The following DST variants were observed in gnomAD, a reference collection of about 807,000 sequenced individuals.
DST encodes bullous pemphigoid antigen.
A neutral mutation model predicts 875.2 loss-of-function variants in DST; 253 were observed. That is an observed-to-expected ratio of 0.29 (90% CI 0.26 to 0.32). DST has a LOEUF of 0.32. Among genes scored for constraint, DST ranks in the 10% least tolerant of loss-of-function variants. The pLI, the probability that DST is intolerant of heterozygous loss-of-function variation, is 1.00. For synonymous variants in DST, 3,124 were observed against 3,197.1 expected (o/e 0.98, Z 0.77); for missense variants, 8,287 against 9,111.6 (o/e 0.91, Z 3.68).
Position 56,841,323 on chromosome 6 carries a change from C to T in DST, c.625+10074G>A, listed in dbSNP as rs549866132. Among the ~76,000 whole-genome samples, 12 of 152,280 alleles carry T rather than the reference C, an allele frequency of 7.9e-5. No homozygotes were observed. In the East Asian group the frequency reaches 1.5e-3, roughly 20 times the overall value. On this transcript the variant is annotated intron_variant, in intron 4 of 103. Transcript: ENST00000680361. The stretch of plus-strand genomic sequence containing the variant: ...AATGAAACATAGCACAGCTATAAAG[C>T]CCAAGTACAAATTGATGAACTAAGC...
chr6:56,634,649 G>T, intron 25 of DST, 33 bp from the exon 26 acceptor site: 1 of 1,613,308 alleles, frequency 6.2e-7, no homozygotes, highest in Non-Finnish European at 8.5e-7. Flanking sequence ...ATAACTCAAT[G>T]AGGTCACTGT....
chr6:56,565,190 G>A (rs535261890), intron 55 of DST, among the ~76,000 whole-genome samples: 14 of 145,232 alleles, frequency 9.6e-5, no homozygotes, highest in South Asian at 4.3e-4. Flanking sequence ...GCACAATCTC[G>A]GCTCACCGCA....
At chr6:56,923,363 C>T (rs1805233576) in intron 2 of DST, among the ~76,000 whole-genome samples, 1 of 148,642 alleles carries the variant, frequency 6.7e-6, no homozygotes, top group Non-Finnish European at 1.5e-5. Flanking sequence ...TTTTCCTTAG[C>T]TTAGACAGAG....
rs1036086809 is a variant in DST at position 56,766,376 on chromosome 6, C to T, written c.626-31087G>A. ...TACTGCATGCCAAGTACTAACCAGG[C>T]TAGATGCCGAGATACAAAGATGGGT... On this transcript the variant is annotated intron_variant, in intron 4 of 103. Transcript: ENST00000680361. Among the ~76,000 whole-genome samples the T allele has an allele frequency of 2.0e-5, 3 of 152,164 alleles. No homozygotes were observed. The East Asian group carries it at 5.8e-4, about 29-fold the overall frequency.
chr6:56,486,192 T>C (rs1176446648), intron 87 of DST, among the ~76,000 whole-genome samples: 3 of 151,230 alleles, frequency 2.0e-5, no homozygotes, highest in Non-Finnish European at 4.4e-5. Context: ...TGAAACCCCG[T>C]CTCTACTAAA....
intron 4 of DST, among the ~76,000 whole-genome samples, chr6:56,839,187 A>G (rs7761501): frequency 0.16 from 24,617 of 152,192 alleles, 2,224 homozygotes; most frequent in Non-Finnish European, 0.18. Context: ...ATCACAAAAC[A>G]ACCACAAGAT....
chr6:56,621,844 G>A (rs2098692929), intron 36 of DST, among the ~76,000 whole-genome samples: 1 of 152,176 alleles, frequency 6.6e-6, no homozygotes, highest in Admixed American at 6.5e-5. Context: ...AAGCTTTGGT[G>A]AATTTCAAGA....
At chr6:56,797,766 C>T (rs908137366) in intron 4 of DST, among the ~76,000 whole-genome samples, 21 of 145,904 alleles carry the variant, frequency 1.4e-4, no homozygotes, top group African/African-American at 4.9e-4. Flanking sequence ...TGCAGTGAAC[C>T]GAGATTGCGC....
At position 56,920,895 on chromosome 6, in the gene DST, A is replaced by ATTTTTTTTTTTTTT. The variant is rs35394550; in HGVS notation, c.217-20288_217-20275dup. On this transcript the variant is annotated intron_variant, in intron 2 of 103. Coordinates refer to ENST00000680361, the MANE Select transcript of DST (RefSeq NM_001374736.1). ...AGGAACACACAACCACGCCCAGCTA[A>ATTTTTTTTTTTTTT]TTTTTTTTTTTTTTTTTTTTTTTTT... Among the ~76,000 whole-genome samples, 6 of 59,690 alleles carry ATTTTTTTTTTTTTT rather than the reference A, an allele frequency of 1.0e-4. 1 individual carries two copies. The highest frequency in any genetic ancestry group is 1.9e-4 in the Non-Finnish European group (6 of 32,128). The allele number at this position is 59,690 out of a possible 152,430, so 39.2% of individuals were successfully genotyped here.
chr6:56,583,509 T>C (rs2098073442), intron 49 of DST, among the ~76,000 whole-genome samples: 4 of 152,206 alleles, frequency 2.6e-5, no homozygotes, highest in Admixed American at 6.5e-5. Flanking sequence ...CCTTGTCAGA[T>C]GAGTAGGTTA....
chr6:56,759,040 T>C (rs1273048485), intron 4 of DST, among the ~76,000 whole-genome samples: 2 of 152,176 alleles, frequency 1.3e-5, no homozygotes, highest in Non-Finnish European at 2.9e-5. Flanking sequence ...ATTATCATCC[T>C]GCACTCCCCA....
At chr6:56,715,346 A>G (rs551548514) in intron 5 of DST, among the ~76,000 whole-genome samples, 2 of 152,358 alleles carry the variant, frequency 1.3e-5, no homozygotes, top group African/African-American at 4.8e-5. Context: ...TTGAAGAGAA[A>G]TGTCCACTTC....
intron 3 of DST, among the ~76,000 whole-genome samples, chr6:56,882,201 A>G (rs890548158): frequency 2.0e-5 from 3 of 152,240 alleles, no homozygotes; most frequent in Non-Finnish European, 2.9e-5. Flanking sequence ...CATTTTCAAC[A>G]TGAATGCTGG....
In DST at chr6:56,604,215, CAT is replaced by C. The variant is rs2098473354; in HGVS notation, c.10411_10412del (p.Met3471GlyfsTer3). 6.2e-7 allele frequency: 1 copy of C among 1,607,026 alleles called. No individual in the cohort carries two copies. The highest frequency in any genetic ancestry group is 8.5e-7 in the Non-Finnish European group (1 of 1,176,146). On this transcript the variant is annotated frameshift_variant, in exon 40 of 104. Transcript: ENST00000680361. LOFTEE classifies it high-confidence loss of function. ...TGCCTCTTTTCTCTAGGTCATACTC[CAT>C]ATGAGTTAATTCTCTCATCAATTCA... ...VFELMRELTH[M>X]EYDLEKRGIT...
At chr6:56,546,505 T>A (rs2097230872) in intron 61 of DST, among the ~76,000 whole-genome samples, 1 of 147,948 alleles carries the variant, frequency 6.8e-6, no homozygotes. Flanking sequence ...AATCTGGAAA[T>A]ACTTTTCATA....
At chr6:56,691,695 C>G (rs2099231191) in intron 9 of DST, among the ~76,000 whole-genome samples, 3 of 152,002 alleles carry the variant, frequency 2.0e-5, no homozygotes, top group Admixed American at 2.0e-4. Context: ...AGATAAGTAA[C>G]TTGTCTAAAG....
intron 44 of DST, among the ~76,000 whole-genome samples, chr6:56,600,851 T>A (rs895819623): frequency 6.6e-6 from 1 of 152,114 alleles, no homozygotes; most frequent in Non-Finnish European, 1.5e-5. Flanking sequence ...ATTCATCTTA[T>A]AGCCATAGAT....
At chr6:56,812,852 A>G (rs1285860392) in intron 4 of DST, among the ~76,000 whole-genome samples, 1 of 152,172 alleles carries the variant, frequency 6.6e-6, no homozygotes, top group East Asian at 1.9e-4. Context: ...TAGAACTAGA[A>G]ATACCATTTG....
intron 4 of DST, among the ~76,000 whole-genome samples, chr6:56,836,344 ATATG>A (rs1407276220): frequency 6.6e-6 from 1 of 152,202 alleles, no homozygotes; most frequent in Non-Finnish European, 1.5e-5. Flanking sequence ...TACATAACAT[ATATG>A]TATTTCATAT....
Sources: allele counts gnomAD v4.1 joint callset (sites outside exome capture counted in the v4.1 genomes callset), GRCh38; gene constraint gnomAD v4.1.1; transcripts MANE v1.5; gene names NCBI Gene and HGNC (gene_info 2026-07-23, HGNC 2026-07-21).